The following STAB2 variants were observed in gnomAD, a reference collection of about 807,000 sequenced individuals.
STAB2 encodes stabilin-2.
In STAB2, 288 loss-of-function variants were observed where a neutral mutation model predicts 338.1. That is an observed-to-expected ratio of 0.85 (90% CI 0.77 to 0.94). The LOEUF (loss-of-function observed/expected upper bound fraction) is 0.94. STAB2 is among the 40% of genes least tolerant of loss of function. The probability of loss-of-function intolerance (pLI) is 0.00; values close to 1 mark genes in which losing one functional copy is unlikely to be tolerated. For missense variants in STAB2, 3,141 were observed against 3,210.1 expected (o/e 0.98, Z 0.52); for synonymous variants, 1,202 against 1,193.3 (o/e 1.01, Z -0.15).
chr12:103,763,489 C>T lies in STAB2; in HGVS notation c.7489-3C>T, dbSNP rs754265921. On this transcript the variant is annotated splice_region_variant and splice_polypyrimidine_tract_variant and intron_variant, in intron 67 of 68. Transcript: ENST00000388887. ...TGGCTTTCATGCTTGTCTTTCCAAA[C>T]AGTCGGAAGAGGACATTAATGTTGC... The T allele has an allele frequency of 1.2e-6, 2 of 1,613,500 alleles. No individual in the cohort carries two copies.
At chr12:103,618,314 A>G (rs1436885197) in intron 3 of STAB2, among the ~76,000 whole-genome samples, 1 of 152,194 alleles carries the variant, frequency 6.6e-6, no homozygotes, top group African/African-American at 2.4e-5. Flanking sequence ...GTGAAGATAC[A>G]GTGAGAAGTC....
chr12:103,684,019 C>A (rs1877171683), intron 26 of STAB2, among the ~76,000 whole-genome samples: 1 of 152,158 alleles, frequency 6.6e-6, no homozygotes, highest in Non-Finnish European at 1.5e-5. Flanking sequence ...GAGCCCAGAA[C>A]CAGGACATGA....
rs146229595 is a variant in STAB2 at position 103,680,962 on chromosome 12, G to A, written c.2806-2243G>A. Among the ~76,000 whole-genome samples the A allele has an allele frequency of 1.5e-3, 230 of 152,370 alleles. 2 individuals are homozygous for A. The highest frequency in any genetic ancestry group is 5.0e-3 in the African/African-American group (206 of 41,586). On this transcript the variant is annotated intron_variant, in intron 25 of 68. Coordinates refer to ENST00000388887, the MANE Select transcript of STAB2 (RefSeq NM_017564.10). ...TGAGGATAAGAGATTACCGTGGCCA[G>A]GGCCCTCAGCCAGACTTGAAGAAAT...
chr12:103,676,134 T>C (rs1011787932), intron 24 of STAB2, 113 bp downstream of exon 24: 1 of 673,326 alleles, frequency 1.5e-6, no homozygotes, highest in Non-Finnish European at 2.3e-6. Context: ...CAATCTTGGC[T>C]CACTGCAACA....
intron 3 of STAB2, among the ~76,000 whole-genome samples, chr12:103,595,152 T>C (rs1956856743): frequency 6.6e-6 from 1 of 152,180 alleles, no homozygotes; most frequent in African/African-American, 2.4e-5. Context: ...CTTTTATCCT[T>C]AGTATAGATA....
chr12:103,683,436 C>A lies in STAB2; in HGVS notation c.2901+136C>A, dbSNP rs4981017. On this transcript the variant is annotated intron_variant, in intron 26 of 68. Transcript: ENST00000388887. ...CAAAAGGGAATCTCTAAGCAGAATGCGAGTAGTTATTGCAACTTCTACTTC... is the reference window on the plus strand; with the variant it reads ...CAAAAGGGAATCTCTAAGCAGAATGAGAGTAGTTATTGCAACTTCTACTTC... 54 of 655,174 alleles carry A rather than the reference C, an allele frequency of 8.2e-5. No homozygotes were observed. In the African/African-American group the frequency reaches 8.4e-4, roughly 10 times the overall value. The allele number at this position is 655,174 out of a possible 1,614,324, so 40.6% of individuals were successfully genotyped here. A position where few individuals can be genotyped will look rare whatever the true frequency, so the allele number is the denominator to read the frequency against.
At chr12:103,696,832 G>A (rs1010489719) in intron 33 of STAB2, among the ~76,000 whole-genome samples, 6 of 152,096 alleles carry the variant, frequency 3.9e-5, no homozygotes, top group African/African-American at 1.4e-4. Flanking sequence ...TTGTTCCTAT[G>A]AGCTCAAGTG....
chr12:103,692,847 G>C lies in STAB2; in HGVS notation c.3333G>C (p.Gly1111=). Residue 1111 remains glycine (G), a synonymous_variant, in exon 31 of 69, where the codon GGG becomes GGC. Coordinates refer to ENST00000388887, the MANE Select transcript of STAB2 (RefSeq NM_017564.10). ...ITIEGASIVD[G]DNAATNGVIH... The stretch of plus-strand genomic sequence containing the variant: ...TTGAAGGGGCCTCCATTGTCGATGG[G>C]GACAACGCAGCCACAAATGGAGTGA... 2 of 1,613,664 alleles carry C rather than the reference G, an allele frequency of 1.2e-6. No homozygotes were observed. Among genetic ancestry groups the C allele is most frequent in the Non-Finnish European group, 1.7e-6 (2 of 1,179,710 alleles).
rs180817613 is a variant in STAB2 at position 103,679,512 on chromosome 12, C to G, written c.2805+1901C>G. On this transcript the variant is annotated intron_variant, in intron 25 of 68. Transcript: ENST00000388887. ...GTGGGAGATAGAAGCACACTACACCCAGGCAAATCCTCAACGTTGACATGT... is the reference window on the plus strand; with the variant it reads ...GTGGGAGATAGAAGCACACTACACCGAGGCAAATCCTCAACGTTGACATGT... Among the ~76,000 whole-genome samples the G allele has an allele frequency of 1.1e-4, 16 of 152,260 alleles. No individual in the cohort carries two copies. In the South Asian group the frequency reaches 1.9e-3, roughly 18 times the overall value.
intron 3 of STAB2, among the ~76,000 whole-genome samples, chr12:103,616,781 T>TCTCAG (rs2138618878): frequency 6.6e-6 from 1 of 152,336 alleles, no homozygotes; most frequent in East Asian, 1.9e-4. Flanking sequence ...CAAAACACCA[T>TCTCAG]CTCAGCTCAA....
chr12:103,758,226 G>A lies in STAB2; in HGVS notation c.7044G>A (p.Leu2348=). ...SARGRAFLEH[L]TDLSIRGTLF... ...GAGGCCGTGCATTTCTAGAACACCTGACTGACCTGTCCATCCGCGGCACCC... is the reference window on the plus strand; with the variant it reads ...GAGGCCGTGCATTTCTAGAACACCTAACTGACCTGTCCATCCGCGGCACCC... The change falls in exon 64 of 69, where the codon CTG becomes CTA. Residue 2348 remains leucine (L), a synonymous_variant. Coordinates refer to ENST00000388887, the MANE Select transcript of STAB2 (RefSeq NM_017564.10). 2 of 1,614,146 alleles carry A rather than the reference G, an allele frequency of 1.2e-6. No homozygotes were observed. Among genetic ancestry groups the A allele is most frequent in the African/African-American group, 1.3e-5 (1 of 75,050 alleles).
intron 12 of STAB2, 138 bp downstream of exon 12, chr12:103,652,843 CT>C: frequency 1.0e-6 from 1 of 997,602 alleles, no homozygotes; most frequent in Non-Finnish European, 1.4e-6. Flanking sequence ...TGTCAAACAC[CT>C]TATATAGGAA....
chr12:103,683,614 C>A (rs4981018), intron 26 of STAB2, among the ~76,000 whole-genome samples: 54,306 of 152,068 alleles, frequency 0.36, 10,147 homozygotes, highest in East Asian at 0.42. Flanking sequence ...CATTTTTCAC[C>A]TAAAATTGAA....
At chr12:103,687,333 T>TAA (rs879795588) in intron 27 of STAB2, among the ~76,000 whole-genome samples, 2 of 145,200 alleles carry the variant, frequency 1.4e-5, no homozygotes, top group African/African-American at 2.5e-5. Context: ...TTAGAGACAT[T>TAA]AAAAAAAAAA....
chr12:103,746,988 C>T (rs142373082), intron 58 of STAB2, among the ~76,000 whole-genome samples: 121 of 139,236 alleles, frequency 8.7e-4, no homozygotes, highest in African/African-American at 3.1e-3. Context: ...TGGACTTTCA[C>T]GCTTGTTGCC....
intron 40 of STAB2, 68 bp from the exon 41 acceptor site, chr12:103,712,299 A>T: frequency 4.9e-6 from 6 of 1,221,652 alleles, no homozygotes; most frequent in Non-Finnish European, 7.3e-6. Context: ...GGTGAAGGGC[A>T]TTTGTGAGTC....
At chr12:103,653,698 G>GCATGGATGGATA (rs1873936128) in intron 12 of STAB2, among the ~76,000 whole-genome samples, 1 of 130,880 alleles carries the variant, frequency 7.6e-6, no homozygotes, top group South Asian at 2.7e-4. Flanking sequence ...ATAGGTCACT[G>GCATGGATGGATA]GATGGATGGA....
At chr12:103,614,696 C>T (rs1957182409) in intron 3 of STAB2, among the ~76,000 whole-genome samples, 1 of 152,170 alleles carries the variant, frequency 6.6e-6, no homozygotes, top group African/African-American at 2.4e-5. Context: ...GCCTAGTGTC[C>T]AGCTGATACA....
Position 103,695,819 on chromosome 12 carries a change from T to C in STAB2, c.3557T>C (p.Ile1186Thr), listed in dbSNP as rs1441213182. 2 of 1,614,054 alleles carry C rather than the reference T, an allele frequency of 1.2e-6. No homozygotes were observed. Among genetic ancestry groups the C allele is most frequent in the Non-Finnish European group, 1.7e-6 (2 of 1,180,014 alleles). The stretch of plus-strand genomic sequence containing the variant: ...AACAACAATGCCATCGAGAATTACA[T>C]CAGGGAGAAGAAAGTCTTGTCTCTA... ...APNNNAIENY[I>T]REKKVLSLEE... Residue 1186 changes from isoleucine to threonine, a missense_variant, in exon 33 of 69, where the codon ATC becomes ACC. Ile to Thr is a moderately conservative substitution (Grantham distance 89). Transcript: ENST00000388887.
Sources: gnomAD v4.1 joint callset for allele counts (sites outside exome capture counted in the v4.1 genomes callset) on GRCh38, gnomAD v4.1.1 for gene constraint, MANE v1.5 for transcripts, NCBI Gene and HGNC (gene_info 2026-07-23, HGNC 2026-07-21) for gene names.